Variants in RTEL1 observed in about 807,000 individuals in gnomAD.
RTEL1 encodes the protein regulator of telomere length.
Under a neutral mutation model 162.2 loss-of-function variants are expected in RTEL1, and 86 were observed. The ratio of observed to expected loss-of-function variants is 0.53; its 90% CI spans 0.45 to 0.63. The LOEUF (loss-of-function observed/expected upper bound fraction) is 0.63. RTEL1 is among the 30% of genes least tolerant of loss of function. RTEL1 has a pLI of 0.00. For synonymous variants in RTEL1, 958 were observed against 717.9 expected, an observed-to-expected ratio of 1.33 and a Z score of -5.35; for missense variants, 1,941 against 1,750.2, an observed-to-expected ratio of 1.11 and a Z score of -1.95.
rs186315163 is a variant in RTEL1 at position 63,689,969 on chromosome 20, C to T, written c.2141+104C>T. 427 of 1,553,234 alleles carry T rather than the reference C, an allele frequency of 2.7e-4. 1 individual carries two copies. In the East Asian group the frequency reaches 3.0e-3, roughly 11 times the overall value. ...CATGAGGCCCCGTCTCCTCCAGAGC[C>T]TCTCCGGCTACTCGGGGTCAGCGTG... On this transcript the variant is annotated intron_variant, in intron 24 of 34. Transcript: ENST00000360203.
At position 63,681,358 on chromosome 20, in the gene RTEL1, G is replaced by A. The variant is rs1262339511; in HGVS notation, c.1191+639G>A. ...GGGCACGTTGCCTCTCCGGGGCCTCGGTGGCTTTTTTAGAAGCAGACTCAG... is the reference window on the plus strand; with the variant it reads ...GGGCACGTTGCCTCTCCGGGGCCTCAGTGGCTTTTTTAGAAGCAGACTCAG... On this transcript the variant is annotated intron_variant, in intron 14 of 34. Transcript: ENST00000360203. 1.5e-5 allele frequency: 15 copies of A among 985,222 alleles called. No homozygotes were observed. The South Asian group carries it at 5.6e-4, about 37-fold the overall frequency. 61.0% of individuals were successfully genotyped at this position (985,222 alleles called of 1,614,324 possible). A position where few individuals can be genotyped will look rare whatever the true frequency, so the allele number is the denominator to read the frequency against.
At chr20:63,662,742 G>T (rs2146154978) in intron 5 of RTEL1, 87 bp from the exon 6 acceptor site, 2 of 1,593,898 alleles carry the variant, frequency 1.3e-6, no homozygotes, top group Middle Eastern at 1.7e-4. Flanking sequence ...CTGGGGGACT[G>T]CAGGGGAGGA....
intron 4 of RTEL1, 174 bp from the exon 5 acceptor site, chr20:63,662,372 C>A: frequency 7.5e-7 from 1 of 1,334,656 alleles, no homozygotes; most frequent in Non-Finnish European, 1.0e-6. Flanking sequence ...CTCCCTCTGT[C>A]CAGTACCCCC....
Position 63,687,803 on chromosome 20 carries a change from G to A in RTEL1, c.1481+33G>A, listed in dbSNP as rs756066630. ...CCACCCCTGCCAGGGCCTGAGCACC[G>A]GTGACACCTCTGACATCAGCGGGGT... On this transcript the variant is annotated intron_variant, in intron 17 of 34. Transcript: ENST00000360203. The A allele has an allele frequency of 1.9e-5, 29 of 1,555,678 alleles. No individual in the cohort carries two copies. In the Admixed American group the frequency reaches 3.8e-4, roughly 20 times the overall value.
chr20:63,685,903 C>T (rs569008107), intron 16 of RTEL1, 31 bp downstream of exon 16: 108 of 1,594,872 alleles, frequency 6.8e-5, no homozygotes, highest in South Asian at 5.8e-4. Context: ...GCTCCCCGCC[C>T]GCCCGGGTGC....
chr20:63,666,962 C>CT (rs1414053166), intron 7 of RTEL1, among the ~76,000 whole-genome samples: 1 of 151,816 alleles, frequency 6.6e-6, no homozygotes, highest in Non-Finnish European at 1.5e-5. Flanking sequence ...GCCTCAGCCT[C>CT]CCGAGTAGCT....
At chr20:63,662,231 C>A (rs922632274) in intron 4 of RTEL1, among the ~76,000 whole-genome samples, 1 of 152,182 alleles carries the variant, frequency 6.6e-6, no homozygotes, top group Non-Finnish European at 1.5e-5. Context: ...TCAGGGCTGG[C>A]CCCCAGTGCA....
intron 14 of RTEL1, chr20:63,681,106 C>T (rs1333589621): frequency 1.0e-6 from 1 of 985,278 alleles, no homozygotes; most frequent in East Asian, 1.1e-4. Context: ...AACAGCTTCT[C>T]CAGGGACAGA....
Position 63,695,870 on chromosome 20 carries a change from G to A in RTEL1, c.*12G>A. On this transcript the variant is annotated 3_prime_UTR_variant, in exon 35 of 35. Transcript: ENST00000360203. ...CAGAGCCCCAGTGAGTGCCCACGGA[G>A]GCCCCCAGCACACCCAACGTGGCTT... 4 of 1,572,404 alleles carry A rather than the reference G, an allele frequency of 2.5e-6. No individual in the cohort carries two copies. The highest frequency in any genetic ancestry group is 3.4e-6 in the Non-Finnish European group (4 of 1,160,384).
Position 63,668,468 on chromosome 20 carries a change from G to A in RTEL1, c.699+915G>A, listed in dbSNP as rs1388729261. ...AGTAAGCACGTGAGCTGATGATACT[G>A]AAGGGAAATAGAGCAGAGGGAGGAG... On this transcript the variant is annotated intron_variant, in intron 8 of 34. Coordinates refer to ENST00000360203, the MANE Select transcript of RTEL1 (RefSeq NM_001283009.2). The surrounding 1 kb of genome is among the most constrained non-coding windows in gnomAD (Gnocchi z 4.3). Among the ~76,000 whole-genome samples, 2 of 152,162 alleles carry A rather than the reference G, an allele frequency of 1.3e-5. No individual in the cohort carries two copies. Among genetic ancestry groups the A allele is most frequent in the African/African-American group, 4.8e-5 (2 of 41,426 alleles).
chr20:63,664,541 G>C (rs1219750770), intron 6 of RTEL1, among the ~76,000 whole-genome samples: 1 of 152,202 alleles, frequency 6.6e-6, no homozygotes, highest in African/African-American at 2.4e-5. Flanking sequence ...GCCCCCATCT[G>C]TCTCCTCCTC....
chr20:63,694,761 C>G lies in RTEL1; in HGVS notation c.3130C>G (p.Gln1044Glu), dbSNP rs1415449695. ...ACCAGGAGACCCTGGCAGCCAACCACAGTGGGGGTCTGGAGTGCCCAGAGC... is the reference window on the plus strand; with the variant it reads ...ACCAGGAGACCCTGGCAGCCAACCAGAGTGGGGGTCTGGAGTGCCCAGAGC... ...PPTGDPGSQP[Q>E]WGSGVPRAGK... Residue 1044 changes from glutamine to glutamate, a missense_variant, in exon 32 of 35, where the codon CAG (glutamine) becomes GAG (glutamate). Physicochemically the swap from Gln to Glu is conservative, Grantham distance 29. Coordinates refer to ENST00000360203, the MANE Select transcript of RTEL1 (RefSeq NM_001283009.2). 1 of 1,607,224 alleles carries G rather than the reference C, an allele frequency of 6.2e-7. No homozygotes were observed. Among genetic ancestry groups the G allele is most frequent in the Non-Finnish European group, 8.5e-7 (1 of 1,176,788 alleles).
Position 63,695,322 on chromosome 20 carries a change from C to G in RTEL1, c.3500-6C>G, listed in dbSNP as rs781733108. ...GCCCCCCTCAGACTCAAGTCTCTGT[C>G]TCCAGGCCCCTCACGGTCCGAGAAG... On this transcript the variant is annotated splice_polypyrimidine_tract_variant and splice_region_variant and intron_variant, in intron 33 of 34. Coordinates refer to ENST00000360203, the MANE Select transcript of RTEL1 (RefSeq NM_001283009.2). 5 of 1,565,610 alleles carry G rather than the reference C, an allele frequency of 3.2e-6. No individual in the cohort carries two copies. In the African/African-American group the frequency reaches 5.4e-5, roughly 17 times the overall value.
rs976592801 is a variant in RTEL1, at chr20:63,694,746, C to T, written c.3115C>T (p.Pro1039Ser). 5.0e-6 allele frequency: 8 copies of T among 1,601,974 alleles called. No individual in the cohort carries two copies. In the African/African-American group the frequency reaches 6.7e-5, roughly 13 times the overall value. ...CCATGCTACTCCCACACCAGGAGACCCTGGCAGCCAACCACAGTGGGGGTC... is the reference window on the plus strand; with the variant it reads ...CCATGCTACTCCCACACCAGGAGACTCTGGCAGCCAACCACAGTGGGGGTC... ...LSPRPPPTGD[P>S]GSQPQWGSGV... The change falls in exon 32 of 35, where the codon CCT becomes TCT. Residue 1039 changes from proline to serine, a missense_variant. By Grantham distance (74) the Pro-to-Ser change is moderately conservative. Transcript: ENST00000360203.
In RTEL1 at chr20:63,690,185, A is replaced by G. The variant is rs1368917656; in HGVS notation, c.2240A>G (p.Gln747Arg). The G allele has an allele frequency of 1.2e-6, 2 of 1,612,378 alleles. No homozygotes were observed. Among genetic ancestry groups the G allele is most frequent in the Middle Eastern group, 1.6e-4 (1 of 6,078 alleles). Residue 747 changes from glutamine (Q) to arginine (R), a missense_variant, in exon 25 of 35, where the codon CAG becomes CGG. By Grantham distance (43) the Gln-to-Arg change is conservative (BLOSUM62 1). Transcript: ENST00000360203. Reference protein sequence around the residue: ...NFGHVIRDVAQFFRVAERTMP... With the variant: ...NFGHVIRDVARFFRVAERTMP... Reference sequence around the variant, plus strand: ...GGCCATGTCATCCGAGACGTGGCCCAGTTCTTCCGTGTTGCCGAGCGAACT... The same window carrying G: ...GGCCATGTCATCCGAGACGTGGCCCGGTTCTTCCGTGTTGCCGAGCGAACT...
Position 63,695,409 on chromosome 20 carries a change from G to C in RTEL1, c.3581G>C (p.Gly1194Ala). ...AGACAGAGGCCAGCAGGGACTGTGGGGGCGGGCGGTGAGGATGCAGGTCCC... is the reference window on the plus strand; with the variant it reads ...AGACAGAGGCCAGCAGGGACTGTGGCGGCGGGCGGTGAGGATGCAGGTCCC... Reference protein sequence around the residue: ...FLRQRPAGTVGAGGEDAGPSQ... With the variant: ...FLRQRPAGTVAAGGEDAGPSQ... The change falls in exon 34 of 35, where the codon GGG (glycine) becomes GCG (alanine). Residue 1194 changes from glycine (G) to alanine (A), a missense_variant. By Grantham distance (60) the Gly-to-Ala change is moderately conservative (BLOSUM62 0). Transcript: ENST00000360203. The C allele has an allele frequency of 6.4e-7, 1 of 1,559,776 alleles. No homozygotes were observed. Among genetic ancestry groups the C allele is most frequent in the Admixed American group, 1.8e-5 (1 of 54,794 alleles).
Position 63,687,775 on chromosome 20 carries a change from G to A in RTEL1, c.1481+5G>A, listed in dbSNP as rs2145420055. 1 of 1,566,866 alleles carries A rather than the reference G, an allele frequency of 6.4e-7. No individual in the cohort carries two copies. The highest frequency in any genetic ancestry group is 8.6e-7 in the Non-Finnish European group (1 of 1,156,576). On this transcript the variant is annotated splice_donor_5th_base_variant and intron_variant, in intron 17 of 34. Coordinates refer to ENST00000360203, the MANE Select transcript of RTEL1 (RefSeq NM_001283009.2). ...CTTTGCTCTGGAGATGCAGATGTAC[G>A]GGCCACCCCTGCCAGGGCCTGAGCA...
chr20:63,688,942 C>A, intron 21 of RTEL1, 113 bp from the exon 22 acceptor site: 2 of 967,066 alleles, frequency 2.1e-6, no homozygotes, highest in South Asian at 1.4e-5. Flanking sequence ...CCCGATTGGC[C>A]TTCCTGGCTA....
At chr20:63,693,344 T>G in intron 30 of RTEL1, 61 bp downstream of exon 30, 1 of 1,593,598 alleles carries the variant, frequency 6.3e-7, no homozygotes, top group Non-Finnish European at 8.6e-7. Context: ...TGGGCCAGAG[T>G]CCTGGGCTGC....
Sources: gnomAD v4.1 joint callset for allele counts (sites outside exome capture counted in the v4.1 genomes callset) on GRCh38, gnomAD v4.1.1 for gene constraint, Gnocchi (gnomAD v3.1) non-coding constraint, MANE v1.5 for transcripts, NCBI Gene and HGNC (gene_info 2026-07-23, HGNC 2026-07-21) for gene names.